Variants in TENM2 observed in about 807,000 individuals in gnomAD.
TENM2 encodes teneurin transmembrane protein 2, also known as teneurin-2.
In TENM2, 52 loss-of-function variants were observed where a neutral mutation model predicts 245.2. The ratio of observed to expected loss-of-function variants is 0.21; its 90% CI spans 0.17 to 0.27. The LOEUF (loss-of-function observed/expected upper bound fraction) is 0.27, where lower values mean the gene tolerates loss of function less well. Ranked by LOEUF, TENM2 falls within the 10% of genes least tolerant of loss-of-function variation. The pLI, the probability that TENM2 is intolerant of heterozygous loss-of-function variation, is 1.00. For missense variants in TENM2, 3,046 were observed against 3,666.8 expected (o/e 0.83, Z 4.37); for synonymous variants, 1,363 against 1,438.9 (o/e 0.95, Z 1.19).
intron 2 of TENM2, among the ~76,000 whole-genome samples, chr5:167,849,832 A>G (rs1770405043): frequency 6.6e-6 from 1 of 152,220 alleles, no homozygotes. Context: ...AGAGATGCAT[A>G]CGGCAAGTAA....
At chr5:167,596,962 G>A (rs1776259845) in intron 2 of TENM2, among the ~76,000 whole-genome samples, 1 of 152,114 alleles carries the variant, frequency 6.6e-6, no homozygotes, top group African/African-American at 2.4e-5. Context: ...AAGAGCACCT[G>A]TAGGGGACAG....
intron 1 of TENM2, among the ~76,000 whole-genome samples, chr5:167,329,408 C>G (rs1757295416): frequency 6.7e-6 from 1 of 150,308 alleles, no homozygotes; most frequent in South Asian, 2.1e-4. Flanking sequence ...AAAAAATAGC[C>G]TGGCGTGGTG....
the TENM2 span, among the ~76,000 whole-genome samples, chr5:167,222,586 T>C: frequency 0.013 from 1,977 of 149,142 alleles, 26 homozygotes; most frequent in Middle Eastern, 0.034. Flanking sequence ...GATTAATCAG[T>C]GTCTGGAAAA....
intron 13 of TENM2, among the ~76,000 whole-genome samples, chr5:168,176,657 T>G (rs1759386085): frequency 6.6e-6 from 1 of 152,204 alleles, no homozygotes; most frequent in South Asian, 2.1e-4. Context: ...GTTTATTGTC[T>G]ATTTTCCCCC....
the TENM2 span, among the ~76,000 whole-genome samples, chr5:167,138,939 T>C: frequency 1.3e-5 from 2 of 152,234 alleles, no homozygotes; most frequent in African/African-American, 4.8e-5. Context: ...ACTAATCTTA[T>C]ATGGTTTCTG....
At chr5:167,051,964 A>G in the TENM2 span, among the ~76,000 whole-genome samples, 1 of 152,118 alleles carries the variant, frequency 6.6e-6, no homozygotes, top group Non-Finnish European at 1.5e-5. Flanking sequence ...TTCTCTTTGC[A>G]GTTTTTTCTT....
chr5:167,647,771 C>T (rs1449592057), intron 2 of TENM2, among the ~76,000 whole-genome samples: 1 of 152,164 alleles, frequency 6.6e-6, no homozygotes, highest in Non-Finnish European at 1.5e-5. Flanking sequence ...ATCTGACCCC[C>T]ATCTGTAGGA....
rs183933527 is a variant in TENM2, at chr5:167,693,439, G to T, written c.503-182547G>T. Among the ~76,000 whole-genome samples the T allele has an allele frequency of 9.2e-5, 14 of 152,240 alleles. No homozygotes were observed. In the East Asian group the frequency reaches 1.9e-3, roughly 21 times the overall value. Reference sequence around the variant, plus strand: ...GAGTTACATAATTTTCCTGTAAGATGCATTGGGTTTCCAGAAGAATGTTGA... The same window carrying T: ...GAGTTACATAATTTTCCTGTAAGATTCATTGGGTTTCCAGAAGAATGTTGA... On this transcript the variant is annotated intron_variant, in intron 2 of 28. Coordinates refer to ENST00000518659, the Ensembl canonical transcript of TENM2.
intron 4 of TENM2, among the ~76,000 whole-genome samples, chr5:167,970,412 T>A (rs1167874482): frequency 3.9e-5 from 6 of 152,252 alleles, no homozygotes; most frequent in Non-Finnish European, 8.8e-5. Flanking sequence ...ATTTATTGTC[T>A]TACTAACCAG....
At chr5:167,882,008 C>T (rs985327099) in intron 3 of TENM2, among the ~76,000 whole-genome samples, 2 of 152,140 alleles carry the variant, frequency 1.3e-5, no homozygotes, top group Non-Finnish European at 2.9e-5. Flanking sequence ...AAGTAATGTA[C>T]GAAAGTCACA....
At chr5:167,535,749 T>G (rs1771801147) in intron 2 of TENM2, among the ~76,000 whole-genome samples, 1 of 152,206 alleles carries the variant, frequency 6.6e-6, no homozygotes, top group African/African-American at 2.4e-5. Context: ...AACTTGGACT[T>G]CCCAGCCACC....
At chr5:167,303,795 G>A (rs1426803710) in intron 1 of TENM2, among the ~76,000 whole-genome samples, 19 of 152,068 alleles carry the variant, frequency 1.2e-4, no homozygotes, top group Admixed American at 1.2e-3. Flanking sequence ...GGGGAAATAG[G>A]CCAGGTTGTC....
chr5:167,372,772 AC>A (rs1224681064), intron 1 of TENM2, among the ~76,000 whole-genome samples: 1 of 152,232 alleles, frequency 6.6e-6, no homozygotes, highest in African/African-American at 2.4e-5. Context: ...ATATCAAATG[AC>A]TTTTTTTCAA....
At chr5:167,165,278 A>T in the TENM2 span, 8 of 152,210 alleles carry the variant, frequency 5.3e-5, no homozygotes, top group African/African-American at 1.9e-4. Flanking sequence ...GGTTCTACCC[A>T]TCAGAGTCGT....
chr5:167,799,539 G>A (rs1478821457), intron 2 of TENM2, among the ~76,000 whole-genome samples: 1 of 152,104 alleles, frequency 6.6e-6, no homozygotes, highest in Non-Finnish European at 1.5e-5. Flanking sequence ...AAATAATAAA[G>A]GTACATGATA....
At chr5:167,657,008 A>G (rs935290406) in intron 2 of TENM2, among the ~76,000 whole-genome samples, 3 of 149,244 alleles carry the variant, frequency 2.0e-5, no homozygotes, top group African/African-American at 5.0e-5. Context: ...GCTATATACT[A>G]TATTATTGTT....
intron 15 of TENM2, among the ~76,000 whole-genome samples, chr5:168,198,164 G>A (rs1761617287): frequency 6.6e-6 from 1 of 151,262 alleles, no homozygotes; most frequent in Non-Finnish European, 1.5e-5. Context: ...TAAACAAATG[G>A]GTGTAACTGT....
At chr5:167,365,366 G>C (rs979862158) in intron 1 of TENM2, among the ~76,000 whole-genome samples, 1 of 148,878 alleles carries the variant, frequency 6.7e-6, no homozygotes, top group Non-Finnish European at 1.5e-5. Context: ...TCTACCGCAA[G>C]AACCTAGAGA....
chr5:167,975,625 TA>T (rs1782381045), intron 4 of TENM2, among the ~76,000 whole-genome samples: 1 of 152,178 alleles, frequency 6.6e-6, no homozygotes, highest in Non-Finnish European at 1.5e-5. Context: ...AAAGCTTAGT[TA>T]ATATCCCTGA....
Sources: gnomAD v4.1 joint callset for allele counts (sites outside exome capture counted in the v4.1 genomes callset) on GRCh38, gnomAD v4.1.1 for gene constraint, MANE v1.5 for transcripts, NCBI Gene and HGNC (gene_info 2026-07-23, HGNC 2026-07-21) for gene names.